The following PAX7 variants were observed in gnomAD, a reference collection of about 807,000 sequenced individuals.
The protein encoded by PAX7 is paired box 7.
PAX7 carries 18 observed loss-of-function variants against 50.7 expected under a neutral mutation model. That is an observed-to-expected ratio of 0.36 (90% CI 0.25 to 0.53). The LOEUF (loss-of-function observed/expected upper bound fraction) is 0.53, where lower values mean the gene tolerates loss of function less well. Among genes scored for constraint, PAX7 ranks in the 20% least tolerant of loss-of-function variants. The pLI, the probability that PAX7 is intolerant of heterozygous loss-of-function variation, is 0.93. For synonymous variants in PAX7, 310 were observed against 290.4 expected (o/e 1.07, Z -0.69); for missense variants, 644 against 702.9 (o/e 0.92, Z 0.95).
At chr1:18,668,753 A>G (rs531278042) in intron 4 of PAX7, among the ~76,000 whole-genome samples, 27 of 152,328 alleles carry the variant, frequency 1.8e-4, no homozygotes, top group African/African-American at 6.5e-4. Context: ...TCATTTTTGC[A>G]ATGCCTACCT....
intron 7 of PAX7, among the ~76,000 whole-genome samples, chr1:18,727,807 G>T (rs2089593119): frequency 1.3e-5 from 2 of 152,224 alleles, no homozygotes; most frequent in Non-Finnish European, 2.9e-5. Context: ...CCACACGGCA[G>T]GTGCAGGGCT....
intron 4 of PAX7, among the ~76,000 whole-genome samples, chr1:18,639,473 A>G (rs895899864): frequency 3.3e-5 from 5 of 151,330 alleles, no homozygotes; most frequent in African/African-American, 1.2e-4. Flanking sequence ...ACCGTTGCCG[A>G]TAGGTGCTTG....
intron 4 of PAX7, among the ~76,000 whole-genome samples, chr1:18,642,865 T>G (rs1570111883): frequency 7.8e-6 from 1 of 128,988 alleles, no homozygotes; most frequent in Admixed American, 8.1e-5. Flanking sequence ...GGGGGAGAGG[T>G]GAGGCGGGGA....
intron 4 of PAX7, among the ~76,000 whole-genome samples, chr1:18,658,103 A>G (rs149725988): frequency 6.6e-6 from 1 of 152,212 alleles, no homozygotes; most frequent in Non-Finnish European, 1.5e-5. Context: ...AGCTCCGTCC[A>G]TCACTTCTCC....
In PAX7 at chr1:18,631,207, C is replaced by T. The variant is rs963718305; in HGVS notation, c.-397C>T. The T allele has an allele frequency of 1.6e-5, 4 of 244,704 alleles. No individual in the cohort carries two copies. Among genetic ancestry groups the T allele is most frequent in the African/African-American group, 6.6e-5 (3 of 45,552 alleles). 15.2% of individuals were successfully genotyped at this position (244,704 alleles called of 1,614,324 possible). A position where few individuals can be genotyped will look rare whatever the true frequency, so the allele number is the denominator to read the frequency against. ...GCGGCGCTCGCCACTCTGAGGCTGGCGGCCTCGATTCCGGCCGCGTTCCCC... is the reference window on the plus strand; with the variant it reads ...GCGGCGCTCGCCACTCTGAGGCTGGTGGCCTCGATTCCGGCCGCGTTCCCC... On this transcript the variant is annotated 5_prime_UTR_variant, in exon 1 of 9. Transcript: ENST00000420770.
intron 8 of PAX7, among the ~76,000 whole-genome samples, chr1:18,742,280 C>T (rs1006889191): frequency 4.0e-5 from 6 of 151,476 alleles, no homozygotes; most frequent in Non-Finnish European, 8.8e-5. Flanking sequence ...GCCTCAGCAT[C>T]CCGAGTAGCT....
chr1:18,659,109 G>C (rs1172604364), intron 4 of PAX7, among the ~76,000 whole-genome samples: 1 of 152,230 alleles, frequency 6.6e-6, no homozygotes, highest in Non-Finnish European at 1.5e-5. Context: ...GTGTGTGTAT[G>C]TGTGTGTCTG....
chr1:18,726,673 T>C lies in PAX7; in HGVS notation c.1156-8959T>C, dbSNP rs1328653152. Among the ~76,000 whole-genome samples, 1 of 152,196 alleles carries C rather than the reference T, an allele frequency of 6.6e-6. No individual in the cohort carries two copies. Among genetic ancestry groups the C allele is most frequent in the Non-Finnish European group, 1.5e-5 (1 of 68,034 alleles). On this transcript the variant is annotated intron_variant, in intron 7 of 8. Transcript: ENST00000420770. This position sits in a 1 kb window ranked among gnomAD's most constrained non-coding sequence, Gnocchi z 4.8. ...GAACACAGGGACCTCACAGCCTCTT[T>C]TGGCTGCACCTCCCAGGGTCTCTCC...
intron 4 of PAX7, among the ~76,000 whole-genome samples, chr1:18,659,967 C>G (rs983218973): frequency 4.6e-5 from 7 of 152,182 alleles, no homozygotes; most frequent in South Asian, 2.1e-4. Context: ...GCCATGTGCT[C>G]GAGGACCTTA....
chr1:18,684,460 C>T (rs1236697334), intron 4 of PAX7, among the ~76,000 whole-genome samples: 2 of 152,220 alleles, frequency 1.3e-5, no homozygotes, highest in Admixed American at 6.5e-5. Flanking sequence ...TCTGCTCCTC[C>T]GTCGCCCTGT....
intron 7 of PAX7, among the ~76,000 whole-genome samples, chr1:18,732,006 C>T (rs2089652636): frequency 6.6e-6 from 1 of 152,126 alleles, no homozygotes. Flanking sequence ...GGGTGTATCT[C>T]GTGATTCAGC....
At chr1:18,659,951 C>T (rs1362677805) in intron 4 of PAX7, among the ~76,000 whole-genome samples, 1 of 152,168 alleles carries the variant, frequency 6.6e-6, no homozygotes, top group African/African-American at 2.4e-5. Flanking sequence ...GGGAAAAGCC[C>T]AGCGGGCCAT....
At chr1:18,648,377 T>C (rs1489178861) in intron 4 of PAX7, among the ~76,000 whole-genome samples, 2 of 149,556 alleles carry the variant, frequency 1.3e-5, no homozygotes, top group Non-Finnish European at 1.5e-5. Context: ...GGTCTTGCTC[T>C]GTCACCCAGG....
chr1:18,661,857 G>A (rs1164783565), intron 4 of PAX7, among the ~76,000 whole-genome samples: 2 of 152,242 alleles, frequency 1.3e-5, no homozygotes, highest in Admixed American at 6.5e-5. Flanking sequence ...GGGGGTGGGC[G>A]GAGGGCGCCG....
In PAX7 at chr1:18,735,173, G is replaced by A. The variant is rs1484152522; in HGVS notation, c.1156-459G>A. Among the ~76,000 whole-genome samples the A allele has an allele frequency of 2.0e-5, 3 of 152,208 alleles. No individual in the cohort carries two copies. Among genetic ancestry groups the A allele is most frequent in the African/African-American group, 4.8e-5 (2 of 41,442 alleles). On this transcript the variant is annotated intron_variant, in intron 7 of 8. Transcript: ENST00000420770. This position sits in a 1 kb window ranked among gnomAD's most constrained non-coding sequence, Gnocchi z 4.0. ...TGACAGCAGACAGATCAAGAGTCCTGCTGTAATGTTTGTGTTAGAAGATGG... is the reference window on the plus strand; with the variant it reads ...TGACAGCAGACAGATCAAGAGTCCTACTGTAATGTTTGTGTTAGAAGATGG...
chr1:18,651,540 G>A (rs993505246), intron 4 of PAX7, among the ~76,000 whole-genome samples: 17 of 152,240 alleles, frequency 1.1e-4, no homozygotes, highest in Admixed American at 2.6e-4. Context: ...CCATCTATCT[G>A]TTCAGATGCA....
At chr1:18,656,734 C>T (rs1557513157) in intron 4 of PAX7, among the ~76,000 whole-genome samples, 1 of 151,944 alleles carries the variant, frequency 6.6e-6, no homozygotes, top group African/African-American at 2.4e-5. Flanking sequence ...GTGGCTCATG[C>T]CTGTAATCCC....
At chr1:18,719,128 A>G (rs1205513458) in intron 7 of PAX7, among the ~76,000 whole-genome samples, 1 of 152,240 alleles carries the variant, frequency 6.6e-6, no homozygotes, top group South Asian at 2.1e-4. Flanking sequence ...AGGAGTTAGC[A>G]GGGCTTTTGA....
chr1:18,653,035 C>T (rs2088457374), intron 4 of PAX7, among the ~76,000 whole-genome samples: 1 of 152,206 alleles, frequency 6.6e-6, no homozygotes. Flanking sequence ...CCTGCTGCAA[C>T]AGCTGTGCTT....
Sources: gnomAD v4.1 joint callset for allele counts (sites outside exome capture counted in the v4.1 genomes callset) on GRCh38, gnomAD v4.1.1 for gene constraint, Gnocchi (gnomAD v3.1) non-coding constraint, MANE v1.5 for transcripts, NCBI Gene and HGNC (gene_info 2026-07-23, HGNC 2026-07-21) for gene names.